Variants in BDH1 observed in about 807,000 individuals in gnomAD.
BDH1 encodes D-beta-hydroxybutyrate dehydrogenase, mitochondrial.
Under a neutral mutation model 33.1 loss-of-function variants are expected in BDH1, and 30 were observed. The ratio of observed to expected loss-of-function variants is 0.91; its 90% confidence interval spans 0.68 to 1.23. The LOEUF (loss-of-function observed/expected upper bound fraction) is 1.23. BDH1 is among the 50% of genes most tolerant of loss of function. The pLI, the probability that BDH1 is intolerant of heterozygous loss-of-function variation, is 0.00. For missense variants in BDH1, 443 were observed against 464.4 expected (o/e 0.95, Z 0.42); for synonymous variants, 190 against 183.6 (o/e 1.03, Z -0.28).
At chr3:197,543,155 C>A in intron 3 of BDH1, 1 of 985,372 alleles carries the variant, frequency 1.0e-6, no homozygotes, top group Non-Finnish European at 1.2e-6. Context: ...AGCCATGAGT[C>A]CATTTGAATC....
At chr3:197,539,289 A>G (rs1280361714) in intron 3 of BDH1, among the ~76,000 whole-genome samples, 1 of 152,050 alleles carries the variant, frequency 6.6e-6, no homozygotes, top group East Asian at 1.9e-4. Context: ...ACAGGCACCC[A>G]CCACCACGCC....
intron 3 of BDH1, chr3:197,542,961 T>G (rs558119965): frequency 1.0e-6 from 1 of 983,520 alleles, no homozygotes; most frequent in East Asian, 1.1e-4. Context: ...CCCAAGGCCC[T>G]GTGGAAGAGC....
At chr3:197,527,290 AG>A (rs1446367813) in intron 5 of BDH1, among the ~76,000 whole-genome samples, 1 of 152,218 alleles carries the variant, frequency 6.6e-6, no homozygotes, top group African/African-American at 2.4e-5. Context: ...GTTACGAGCA[AG>A]GGTGGTTTAT....
chr3:197,540,952 G>A (rs982316217), intron 3 of BDH1, among the ~76,000 whole-genome samples: 4 of 152,184 alleles, frequency 2.6e-5, no homozygotes, highest in Non-Finnish European at 5.9e-5. Flanking sequence ...GAATACTCCT[G>A]GGCGGGCAGC....
At chr3:197,515,629 G>A in intron 6 of BDH1, 1 of 985,556 alleles carries the variant, frequency 1.0e-6, no homozygotes, top group Non-Finnish European at 1.2e-6. Flanking sequence ...CAACAAATGT[G>A]TGTTAGATGA....
intron 5 of BDH1, among the ~76,000 whole-genome samples, chr3:197,531,432 T>TATGTGTATATATATATATAC (rs1560320076): frequency 1.2e-4 from 17 of 146,680 alleles, no homozygotes; most frequent in African/African-American, 4.0e-4. Flanking sequence ...TATATATATA[T>TATGTGTATATATATATATAC]ATATGTGTAT....
intron 3 of BDH1, among the ~76,000 whole-genome samples, chr3:197,540,329 C>G (rs1715498271): frequency 2.0e-5 from 3 of 148,094 alleles, no homozygotes; most frequent in Admixed American, 2.0e-4. Flanking sequence ...GCTGGGATTA[C>G]AGGTGTGAAC....
chr3:197,512,245 G>C lies in BDH1; in HGVS notation c.682C>G (p.Pro228Ala), dbSNP rs768975972. ...ACCACGCTGACCTTCACGCCCAGGGGGTACATCTCATAGCGCAGGCAGTCC... is the reference window on the plus strand; with the variant it reads ...ACCACGCTGACCTTCACGCCCAGGGCGTACATCTCATAGCGCAGGCAGTCC... ...FSDCLRYEMYPLGVKVSVVEP... is the reference protein window; with the variant it reads ...FSDCLRYEMYALGVKVSVVEP... Residue 228 changes from proline (P) to alanine (A), a missense_variant, in exon 8 of 8, where the codon CCC becomes GCC. Pro to Ala is a conservative substitution (Grantham distance 27). Coordinates refer to ENST00000392379, the MANE Select transcript of BDH1 (RefSeq NM_203314.3). 1 of 1,613,596 alleles carries C rather than the reference G, an allele frequency of 6.2e-7. No homozygotes were observed. Among genetic ancestry groups the C allele is most frequent in the East Asian group, 2.2e-5 (1 of 44,892 alleles).
intron 5 of BDH1, among the ~76,000 whole-genome samples, chr3:197,531,419 ATAT>A (rs1346401663): frequency 2.3e-5 from 3 of 131,236 alleles, no homozygotes; most frequent in Admixed American, 7.4e-5. Context: ...TAAAAAAAAA[ATAT>A]ATATATATAT....
At chr3:197,557,309 T>C (rs1717096631), upstream of BDH1, among the ~76,000 whole-genome samples, 1 of 152,244 alleles carries the variant, frequency 6.6e-6, no homozygotes, top group African/African-American at 2.4e-5. This position sits in a 1 kb window ranked among gnomAD's most constrained non-coding sequence, Gnocchi z 4.6. Context: ...CCTAAATTGA[T>C]CTGGCTCAGA....
Position 197,510,676 on chromosome 3 carries a change from G to GC in BDH1, c.*1218_*1219insG, listed in dbSNP as rs1711895842. The GC allele has an allele frequency of 2.1e-5, 1 of 46,798 alleles. No individual in the cohort carries two copies. The highest frequency in any genetic ancestry group is 2.4e-4 in the Admixed American group (1 of 4,176). The allele number at this position is 46,798 out of a possible 1,614,324, so 2.9% of individuals were successfully genotyped here. On this transcript the variant is annotated 3_prime_UTR_variant, in exon 8 of 8. Coordinates refer to ENST00000392379, the MANE Select transcript of BDH1 (RefSeq NM_203314.3). ...TGTGTGTGTGTGTGTGTGTGTACAT[G>GC]TGTGTAAGGTGTGTGTGTGTGTGTG...
rs2108696853 is a variant in BDH1 at position 197,512,487 on chromosome 3, G to A, written c.563-123C>T. 2.8e-6 allele frequency: 3 copies of A among 1,061,086 alleles called. No individual in the cohort carries two copies. In the South Asian group the frequency reaches 5.0e-5, roughly 18 times the overall value. 65.7% of individuals were successfully genotyped at this position (1,061,086 alleles called of 1,614,324 possible). Reference sequence around the variant, plus strand: ...TCTGAGCCACCCAGGAGCCTTCTCAGTCAATAGGCAAGGCCAGCTCAGGCC... The same window carrying A: ...TCTGAGCCACCCAGGAGCCTTCTCAATCAATAGGCAAGGCCAGCTCAGGCC... On this transcript the variant is annotated intron_variant, in intron 7 of 7. Coordinates refer to ENST00000392379, the MANE Select transcript of BDH1 (RefSeq NM_203314.3).
Position 197,528,209 on chromosome 3 carries a change from C to A in BDH1, c.267+4203G>T, listed in dbSNP as rs1714286689. 1 of 152,154 alleles carries A rather than the reference C, an allele frequency of 6.6e-6. No individual in the cohort carries two copies. Among genetic ancestry groups the A allele is most frequent in the Non-Finnish European group, 1.5e-5 (1 of 68,072 alleles). The allele number at this position is 152,154 out of a possible 1,614,324, so 9.4% of individuals were successfully genotyped here. A position where few individuals can be genotyped will look rare whatever the true frequency, so the allele number is the denominator to read the frequency against. ...AGCCTGATCCAGGTGGGTTGCACCC[C>A]CTCTGGGGGTGCTTTTCTGCAACAA... On this transcript the variant is annotated intron_variant, in intron 5 of 7. Transcript: ENST00000392379. The surrounding 1 kb of genome is among the most constrained non-coding windows in gnomAD (Gnocchi z 5.1).
rs1242693397 is a variant in BDH1, at chr3:197,520,239, T to G, written c.409+2401A>C. ...GATGGGGGACACGCCACTGCATATCTGACGGATGTACTGTTTTCTTCAGAC... is the reference window on the plus strand; with the variant it reads ...GATGGGGGACACGCCACTGCATATCGGACGGATGTACTGTTTTCTTCAGAC... On this transcript the variant is annotated intron_variant, in intron 6 of 7. Coordinates refer to ENST00000392379, the MANE Select transcript of BDH1 (RefSeq NM_203314.3). This position sits in a 1 kb window ranked among gnomAD's most constrained non-coding sequence, Gnocchi z 6.0. Among the ~76,000 whole-genome samples the G allele has an allele frequency of 6.6e-6, 1 of 151,986 alleles. No individual in the cohort carries two copies. Among genetic ancestry groups the G allele is most frequent in the Non-Finnish European group, 1.5e-5 (1 of 68,000 alleles).
rs1473541785 is a variant in BDH1, at chr3:197,525,197, G to GCA, written c.268-2418_268-2417dup. 1.2e-4 allele frequency among the ~76,000 whole-genome samples: 19 copies of GCA among 152,232 alleles called. No homozygotes were observed. Among genetic ancestry groups the GCA allele is most frequent in the African/African-American group, 3.9e-4 (16 of 41,556 alleles). ...TGCAGACCCCTCTCTTCCACAGGCG[G>GCA]CACACAGGTACCAGGAAAACACGTG... On this transcript the variant is annotated intron_variant, in intron 5 of 7. Coordinates refer to ENST00000392379, the MANE Select transcript of BDH1 (RefSeq NM_203314.3). The surrounding 1 kb of genome is among the most constrained non-coding windows in gnomAD (Gnocchi z 4.9).
chr3:197,571,414 T>C (rs1195022146), intron 1 of BDH1, among the ~76,000 whole-genome samples: 1 of 152,204 alleles, frequency 6.6e-6, no homozygotes, highest in African/African-American at 2.4e-5. Context: ...GGTTTGACTC[T>C]GTCCCCACCC....
At chr3:197,533,674 G>A (rs1284449190) in intron 3 of BDH1, 113 bp from the exon 4 acceptor site, 1 of 1,033,578 alleles carries the variant, frequency 9.7e-7, no homozygotes, top group Non-Finnish European at 1.5e-6. Context: ...GAGACAGCTT[G>A]CTGGTACAAC....
chr3:197,536,422 A>G (rs7649784), intron 3 of BDH1, among the ~76,000 whole-genome samples: 8,894 of 152,320 alleles, frequency 0.058, 321 homozygotes, highest in African/African-American at 0.075. Flanking sequence ...AAACCTGTAT[A>G]TCAATTTGGG....
chr3:197,523,966 G>A lies in BDH1; in HGVS notation c.268-1185C>T, dbSNP rs1437033605. On this transcript the variant is annotated intron_variant, in intron 5 of 7. Transcript: ENST00000392379. The surrounding 1 kb of genome is among the most constrained non-coding windows in gnomAD (Gnocchi z 4.5). ...TTGTGGGCACTGCCGAGCTGCTGGG[G>A]GGCTTTCCTCTAAGTAGACAGCATT... 6.6e-6 allele frequency among the ~76,000 whole-genome samples: 1 copy of A among 152,156 alleles called. No individual in the cohort carries two copies. The highest frequency in any genetic ancestry group is 1.9e-4 in the East Asian group (1 of 5,194).
Sources: gnomAD v4.1 joint callset for allele counts (sites outside exome capture counted in the v4.1 genomes callset) on GRCh38, gnomAD v4.1.1 for gene constraint, Gnocchi (gnomAD v3.1) non-coding constraint, MANE v1.5 for transcripts, NCBI Gene and HGNC (gene_info 2026-07-23, HGNC 2026-07-21) for gene names.